Variants in ZNF536 observed in about 807,000 individuals in gnomAD.
The protein encoded by ZNF536 is zinc finger protein 536.
A neutral mutation model predicts 84.5 loss-of-function variants in ZNF536; 13 were observed. That is an observed-to-expected ratio of 0.15 (90% CI 0.10 to 0.24). The LOEUF (loss-of-function observed/expected upper bound fraction) is 0.24. ZNF536 is among the 10% of genes least tolerant of loss of function. The probability of loss-of-function intolerance (pLI) is 1.00; values close to 1 mark genes in which losing one functional copy is unlikely to be tolerated. For synonymous variants in ZNF536, 811 were observed against 742.5 expected, an observed-to-expected ratio of 1.09 and a Z score of -1.50; for missense variants, 1,536 against 1,747.5, an observed-to-expected ratio of 0.88 and a Z score of 2.16.
chr19:30,664,394 G>T (rs2050243508), intron 1 of ZNF536, among the ~76,000 whole-genome samples: 1 of 152,064 alleles, frequency 6.6e-6, no homozygotes, highest in Non-Finnish European at 1.5e-5. Flanking sequence ...TTAGGAACCT[G>T]CAGTCCTGGC....
chr19:30,597,974 T>C (rs1479242179), intron 1 of ZNF536, among the ~76,000 whole-genome samples: 4 of 152,236 alleles, frequency 2.6e-5, no homozygotes, highest in Non-Finnish European at 5.9e-5. Context: ...TATTGTTGCA[T>C]GCATGTTGTT....
intron 1 of ZNF536, among the ~76,000 whole-genome samples, chr19:30,574,311 G>T (rs906538578): frequency 6.6e-6 from 1 of 152,174 alleles, no homozygotes; most frequent in Non-Finnish European, 1.5e-5. Context: ...TGAAAGACTG[G>T]GGGAAGAGAC....
chr19:30,318,903 C>G (rs1216580382), intron 2 of ZNF536, among the ~76,000 whole-genome samples: 1 of 152,102 alleles, frequency 6.6e-6, no homozygotes, highest in Non-Finnish European at 1.5e-5. Context: ...GCAGTTTGCT[C>G]CCTTCTTTTA....
At chr19:30,640,473 C>T (rs1482997586) in intron 1 of ZNF536, among the ~76,000 whole-genome samples, 1 of 152,178 alleles carries the variant, frequency 6.6e-6, no homozygotes, top group Non-Finnish European at 1.5e-5. Context: ...TATTTCTTTA[C>T]TTCTGACTCA....
chr19:30,689,760 A>G (rs2051337343), intron 1 of ZNF536, among the ~76,000 whole-genome samples: 1 of 152,188 alleles, frequency 6.6e-6, no homozygotes, highest in Non-Finnish European at 1.5e-5. Flanking sequence ...CTAGTGAATT[A>G]TAAAGTCTGC....
At chr19:30,505,640 AG>A (rs2145416050) in intron 2 of ZNF536, among the ~76,000 whole-genome samples, 1 of 152,186 alleles carries the variant, frequency 6.6e-6, no homozygotes, top group South Asian at 2.1e-4. Context: ...TTACTGTGGA[AG>A]TCTGTAGTTT....
intron 2 of ZNF536, among the ~76,000 whole-genome samples, chr19:30,316,419 A>G (rs770280996): frequency 2.0e-4 from 30 of 152,166 alleles, no homozygotes; most frequent in Non-Finnish European, 1.2e-4. Context: ...TGACTTCTAT[A>G]AATTGCTTGT....
intron 3 of ZNF536, among the ~76,000 whole-genome samples, chr19:30,363,503 C>T (rs1312387292): frequency 6.6e-6 from 1 of 152,052 alleles, no homozygotes; most frequent in African/African-American, 2.4e-5. Context: ...AGCCTGGCTA[C>T]TCTACCCGGA....
At chr19:30,286,512 G>T (rs957640483) in intron 2 of ZNF536, among the ~76,000 whole-genome samples, 3 of 147,238 alleles carry the variant, frequency 2.0e-5, no homozygotes, top group Non-Finnish European at 4.4e-5. Context: ...GACAGAGAAA[G>T]AGAGACAGAG....
chr19:30,517,566 T>C (rs919207726), intron 2 of ZNF536, among the ~76,000 whole-genome samples: 1 of 152,172 alleles, frequency 6.6e-6, no homozygotes, highest in Non-Finnish European at 1.5e-5. Flanking sequence ...GTCCCAAATT[T>C]GTATATGTTA....
intron 1 of ZNF536, among the ~76,000 whole-genome samples, chr19:30,633,133 C>T (rs1041906246): frequency 6.6e-6 from 1 of 152,164 alleles, no homozygotes. Context: ...CAAAAGTCTT[C>T]AATCTTAGAT....
intron 3 of ZNF536, among the ~76,000 whole-genome samples, chr19:30,355,033 T>C (rs1239167978): frequency 6.6e-6 from 1 of 152,184 alleles, no homozygotes; most frequent in Non-Finnish European, 1.5e-5. Flanking sequence ...TTTGGAGTCT[T>C]ATGTATTAGG....
At chr19:30,637,453 A>G (rs1446165496) in intron 1 of ZNF536, among the ~76,000 whole-genome samples, 1 of 152,176 alleles carries the variant, frequency 6.6e-6, no homozygotes, top group African/African-American at 2.4e-5. Context: ...GAACTCTTCT[A>G]TTTTGCAACT....
At position 30,540,338 on chromosome 19, in the gene ZNF536, C is replaced by T. The variant is rs187503559; in HGVS notation, c.2323+5339C>T. On this transcript the variant is annotated intron_variant, in intron 3 of 4. Transcript: ENST00000355537. ...GCCCCCAAAGGGCTGCACACCCAGT[C>T]GGGTGTAGGGAGGGAGACCTGGACA... Among the ~76,000 whole-genome samples the T allele has an allele frequency of 2.0e-5, 3 of 152,240 alleles. No individual in the cohort carries two copies. The East Asian group carries it at 5.8e-4, about 29-fold the overall frequency.
At chr19:30,250,533 T>C (rs893228768) in intron 1 of ZNF536, among the ~76,000 whole-genome samples, 2 of 152,086 alleles carry the variant, frequency 1.3e-5, no homozygotes, top group African/African-American at 4.8e-5. Flanking sequence ...GCAAGGGTCT[T>C]GGGGAAAGTG....
rs147470218 is a variant in ZNF536 at position 30,385,761 on chromosome 19, G to A, written c.-3+13205G>A. Reference sequence around the variant, plus strand: ...TTTCAGACTTGATGGTTTACCCCAGGTGCAACTCCGCCTCCATCATGAATC... The same window carrying A: ...TTTCAGACTTGATGGTTTACCCCAGATGCAACTCCGCCTCCATCATGAATC... On this transcript the variant is annotated intron_variant, in intron 1 of 4. Coordinates refer to ENST00000355537, the MANE Select transcript of ZNF536 (RefSeq NM_014717.3). Among the ~76,000 whole-genome samples, 1,036 of 152,210 alleles carry A rather than the reference G, an allele frequency of 6.8e-3. 25 individuals carry two copies. The highest frequency in any genetic ancestry group is 0.024 in the African/African-American group (994 of 41,522).
At chr19:30,474,045 A>C (rs1218195009) in intron 2 of ZNF536, among the ~76,000 whole-genome samples, 1 of 152,230 alleles carries the variant, frequency 6.6e-6, no homozygotes, top group South Asian at 2.1e-4. Flanking sequence ...TTGTTCCGAC[A>C]TGGATGAAGG....
intron 1 of ZNF536, among the ~76,000 whole-genome samples, chr19:30,645,381 C>T (rs1299205691): frequency 1.3e-5 from 2 of 152,166 alleles, no homozygotes; most frequent in African/African-American, 4.8e-5. Flanking sequence ...AATTAGATCC[C>T]ATTTGTCAAT....
intron 2 of ZNF536, among the ~76,000 whole-genome samples, chr19:30,291,894 G>A (rs543789455): frequency 1.3e-5 from 2 of 152,034 alleles, no homozygotes; most frequent in South Asian, 2.1e-4. Context: ...ATAATATTTC[G>A]TGATACCGGG....
Sources: gnomAD v4.1 joint callset for allele counts (sites outside exome capture counted in the v4.1 genomes callset) on GRCh38, gnomAD v4.1.1 for gene constraint, MANE v1.5 for transcripts, NCBI Gene and HGNC (gene_info 2026-07-23, HGNC 2026-07-21) for gene names.